The following NAA30 variants were observed in gnomAD, a reference collection of about 807,000 sequenced individuals.
The protein encoded by NAA30 is N-alpha-acetyltransferase 30.
NAA30 carries 5 observed loss-of-function variants against 31.4 expected under a neutral mutation model. The observed-to-expected ratio is 0.16, with a 90% confidence interval of 0.08 to 0.33. NAA30 has a LOEUF of 0.33. Ranked by LOEUF, NAA30 falls within the 10% of genes least tolerant of loss-of-function variation. The probability of loss-of-function intolerance (pLI) is 1.00; values close to 1 mark genes in which losing one functional copy is unlikely to be tolerated. For missense variants in NAA30, 428 were observed against 490.8 expected, an observed-to-expected ratio of 0.87 and a Z score of 1.21; for synonymous variants, 222 against 207.1, an observed-to-expected ratio of 1.07 and a Z score of -0.62.
Position 57,391,161 on chromosome 14 carries a change from G to C in NAA30, c.204G>C (p.Gly68=). The change falls in exon 2 of 5, where the codon GGG becomes GGC. Residue 68 remains glycine, a synonymous_variant. Coordinates refer to ENST00000556492, the MANE Select transcript of NAA30 (RefSeq NM_001011713.3). This position sits in a 1 kb window ranked among gnomAD's most constrained non-coding sequence, Gnocchi z 4.1. ...AGTCGGCGACGGTGGCGGCCAAGGGGCATCCGTGCCTCCGCTGCCCTCAGC... is the reference window on the plus strand; with the variant it reads ...AGTCGGCGACGGTGGCGGCCAAGGGCCATCCGTGCCTCCGCTGCCCTCAGC... ...GGESATVAAK[G]HPCLRCPQPP... The C allele has an allele frequency of 6.2e-7, 1 of 1,606,516 alleles. No homozygotes were observed. Among genetic ancestry groups the C allele is most frequent in the Non-Finnish European group, 8.5e-7 (1 of 1,178,128 alleles).
rs983270452 is a variant in NAA30 at position 57,415,202 on chromosome 14, A to T, written c.*5686A>T. The T allele has an allele frequency of 6.6e-6, 1 of 152,246 alleles. No homozygotes were observed. The highest frequency in any genetic ancestry group is 3.2e-3 in the Middle Eastern group (1 of 316). 9.4% of individuals were successfully genotyped at this position (152,246 alleles called of 1,614,324 possible). ...AGACATTTGTTATTGGATGTGTTACATAGTAAATCAATTTGAAATTTCTTA... is the reference window on the plus strand; with the variant it reads ...AGACATTTGTTATTGGATGTGTTACTTAGTAAATCAATTTGAAATTTCTTA... On this transcript the variant is annotated 3_prime_UTR_variant, in exon 5 of 5. Transcript: ENST00000556492.
intron 3 of NAA30, 89 bp from the exon 4 acceptor site, chr14:57,399,739 T>A: frequency 2.6e-6 from 2 of 783,038 alleles, no homozygotes; most frequent in Non-Finnish European, 4.3e-6. Flanking sequence ...AAACTAGCAT[T>A]TGACATTTCT....
In NAA30 at chr14:57,415,134, C is replaced by G. The variant is rs1196258533; in HGVS notation, c.*5618C>G. On this transcript the variant is annotated 3_prime_UTR_variant, in exon 5 of 5. Coordinates refer to ENST00000556492, the MANE Select transcript of NAA30 (RefSeq NM_001011713.3). ...ACATTTTTGTAAATAAAATAATTTA[C>G]CATATACTAGGAGAAGGACCTGCTT... The G allele has an allele frequency of 6.6e-6, 1 of 151,988 alleles. No homozygotes were observed. Among genetic ancestry groups the G allele is most frequent in the Non-Finnish European group, 1.5e-5 (1 of 67,998 alleles). 9.4% of individuals were successfully genotyped at this position (151,988 alleles called of 1,614,324 possible).
Position 57,414,690 on chromosome 14 carries a change from A to T in NAA30, c.*5174A>T, listed in dbSNP as rs1008411602. ...CAGATTAATTTTTCTGCCTTCCATC[A>T]CCGCAGTGTATTACCTTTGACCCTC... On this transcript the variant is annotated 3_prime_UTR_variant, in exon 5 of 5. Coordinates refer to ENST00000556492, the MANE Select transcript of NAA30 (RefSeq NM_001011713.3). 6.6e-6 allele frequency: 1 copy of T among 152,142 alleles called. No homozygotes were observed. The highest frequency in any genetic ancestry group is 2.4e-5 in the African/African-American group (1 of 41,426). 9.4% of individuals were successfully genotyped at this position (152,142 alleles called of 1,614,324 possible). A position where few individuals can be genotyped will look rare whatever the true frequency, so the allele number is the denominator to read the frequency against.
At chr14:57,393,865 G>A (rs2066440025) in intron 2 of NAA30, among the ~76,000 whole-genome samples, 1 of 152,074 alleles carries the variant, frequency 6.6e-6, no homozygotes, top group Non-Finnish European at 1.5e-5. Context: ...TAACAAACAA[G>A]AACCTGAAAA....
At chr14:57,406,334 A>T (rs1233875166) in intron 4 of NAA30, among the ~76,000 whole-genome samples, 2 of 152,206 alleles carry the variant, frequency 1.3e-5, no homozygotes, top group East Asian at 3.9e-4. Context: ...AGATTGCTAA[A>T]TATTGATGGT....
chr14:57,395,204 A>C (rs140593596), intron 2 of NAA30, among the ~76,000 whole-genome samples: 35 of 152,282 alleles, frequency 2.3e-4, no homozygotes, highest in African/African-American at 7.9e-4. Context: ...CCAGAAATGA[A>C]TTAGCGTGGG....
At chr14:57,390,741 G>A (rs2066422626) in intron 1 of NAA30, 36 bp downstream of exon 1, 3 of 450,448 alleles carry the variant, frequency 6.7e-6, no homozygotes, top group Non-Finnish European at 1.1e-5. Flanking sequence ...TGACAGGGCT[G>A]GCGGGTGGGC....
rs925315876 is a variant in NAA30 at position 57,411,032 on chromosome 14, A to G, written c.*1516A>G. 1 of 149,348 alleles carries G rather than the reference A, an allele frequency of 6.7e-6. No homozygotes were observed. Among genetic ancestry groups the G allele is most frequent in the African/African-American group, 2.5e-5 (1 of 40,796 alleles). The allele number at this position is 149,348 out of a possible 1,614,324, so 9.3% of individuals were successfully genotyped here. ...AACCCTACCTCCATTAACAGTTGGT[A>G]AAGGCCCCTTTTCAGGAAAGTTTGT... On this transcript the variant is annotated 3_prime_UTR_variant, in exon 5 of 5. Coordinates refer to ENST00000556492, the MANE Select transcript of NAA30 (RefSeq NM_001011713.3).
At chr14:57,407,490 T>C (rs2066502628) in intron 4 of NAA30, among the ~76,000 whole-genome samples, 1 of 151,968 alleles carries the variant, frequency 6.6e-6, no homozygotes, top group Non-Finnish European at 1.5e-5. Context: ...AATCCAGAAG[T>C]GACAAGGTAG....
In NAA30 at chr14:57,409,650, G is replaced by A; in HGVS notation, c.*134G>A. On this transcript the variant is annotated 3_prime_UTR_variant, in exon 5 of 5. Transcript: ENST00000556492. ...CTTACCTGTCAGTGTCTCATTGAGTGTCGCACAATATTTGTTGCACTTTGG... is the reference window on the plus strand; with the variant it reads ...CTTACCTGTCAGTGTCTCATTGAGTATCGCACAATATTTGTTGCACTTTGG... 1 of 780,984 alleles carries A rather than the reference G, an allele frequency of 1.3e-6. No homozygotes were observed. Among genetic ancestry groups the A allele is most frequent in the Non-Finnish European group, 1.9e-6 (1 of 532,160 alleles). The allele number at this position is 780,984 out of a possible 1,614,324, so 48.4% of individuals were successfully genotyped here.
intron 4 of NAA30, among the ~76,000 whole-genome samples, chr14:57,407,039 ACACACCAC>A (rs1413404796): frequency 6.6e-6 from 1 of 152,022 alleles, no homozygotes; most frequent in Non-Finnish European, 1.5e-5. Flanking sequence ...GACTATAGGC[ACACACCAC>A]CACACCTGGC....
At position 57,399,752 on chromosome 14, in the gene NAA30, G is replaced by A; in HGVS notation, c.896-76G>A. 3.6e-6 allele frequency: 3 copies of A among 829,574 alleles called. No homozygotes were observed. In the South Asian group the frequency reaches 4.4e-5, roughly 12 times the overall value. 51.4% of individuals were successfully genotyped at this position (829,574 alleles called of 1,614,324 possible). On this transcript the variant is annotated intron_variant, in intron 3 of 4. Coordinates refer to ENST00000556492, the MANE Select transcript of NAA30 (RefSeq NM_001011713.3). ...AGAAACTAGCATTTGACATTTCTGT[G>A]CTTACGAATATTATAATTTAGGTTA...
intron 4 of NAA30, among the ~76,000 whole-genome samples, chr14:57,403,073 C>G (rs2066483532): frequency 6.6e-6 from 1 of 152,030 alleles, no homozygotes; most frequent in African/African-American, 2.4e-5. Flanking sequence ...CCCAGCTACT[C>G]GGGAGGCTGA....
intron 4 of NAA30, among the ~76,000 whole-genome samples, chr14:57,401,080 AAC>A (rs1177860509): frequency 6.6e-6 from 1 of 152,076 alleles, no homozygotes; most frequent in Non-Finnish European, 1.5e-5. Flanking sequence ...TCATTTTTTA[AAC>A]ACACCTATGT....
chr14:57,390,648 G>A lies in NAA30; in HGVS notation c.-59G>A, dbSNP rs899243717. 4 of 364,324 alleles carry A rather than the reference G, an allele frequency of 1.1e-5. No homozygotes were observed. In the East Asian group the frequency reaches 1.7e-4, roughly 15 times the overall value. 22.6% of individuals were successfully genotyped at this position (364,324 alleles called of 1,614,324 possible). A position where few individuals can be genotyped will look rare whatever the true frequency, so the allele number is the denominator to read the frequency against. On this transcript the variant is annotated 5_prime_UTR_variant, in exon 1 of 5. Transcript: ENST00000556492. ...GGAGGCTGCCGCGGCTGCGAAGGAG[G>A]CGGCGGCGGTGGCGGAGGAAGAGGA...
chr14:57,397,290 A>C (rs1335845538), intron 3 of NAA30, among the ~76,000 whole-genome samples: 1 of 152,220 alleles, frequency 6.6e-6, no homozygotes. Context: ...ACAAATTGTT[A>C]CCATTACTTG....
At chr14:57,403,010 G>A (rs1420333415) in intron 4 of NAA30, among the ~76,000 whole-genome samples, 4 of 152,082 alleles carry the variant, frequency 2.6e-5, no homozygotes, top group South Asian at 2.1e-4. Context: ...GTGAAACCCC[G>A]TCTCTACTAA....
chr14:57,411,036 G>T lies in NAA30; in HGVS notation c.*1520G>T, dbSNP rs930503504. 1 of 148,964 alleles carries T rather than the reference G, an allele frequency of 6.7e-6. No homozygotes were observed. Among genetic ancestry groups the T allele is most frequent in the Non-Finnish European group, 1.5e-5 (1 of 67,436 alleles). 9.2% of individuals were successfully genotyped at this position (148,964 alleles called of 1,614,324 possible). ...CTACCTCCATTAACAGTTGGTAAAG[G>T]CCCCTTTTCAGGAAAGTTTGTTGCT... is the stretch of plus-strand genomic sequence containing the variant. On this transcript the variant is annotated 3_prime_UTR_variant, in exon 5 of 5. Coordinates refer to ENST00000556492, the MANE Select transcript of NAA30 (RefSeq NM_001011713.3).
Sources: allele counts gnomAD v4.1 joint callset (sites outside exome capture counted in the v4.1 genomes callset), GRCh38; gene constraint gnomAD v4.1.1; non-coding constraint Gnocchi (gnomAD v3.1); transcripts MANE v1.5; gene names NCBI Gene and HGNC (gene_info 2026-07-23, HGNC 2026-07-21).